The following POLQ variants were observed in gnomAD, a reference collection of about 807,000 sequenced individuals.
POLQ encodes epididymis secretory sperm binding protein.
Under a neutral mutation model 259.2 loss-of-function variants are expected in POLQ, and 233 were observed. That is an observed-to-expected ratio of 0.90 (90% CI 0.81 to 1.00). POLQ has a LOEUF of 1.00. Ranked by LOEUF, POLQ falls within the 50% of genes least tolerant of loss-of-function variation. POLQ has a pLI of 0.00. For missense variants in POLQ, 2,871 were observed against 3,051.6 expected, an observed-to-expected ratio of 0.94 and a Z score of 1.39; for synonymous variants, 1,025 against 1,048.8, an observed-to-expected ratio of 0.98 and a Z score of 0.44.
intron 29 of POLQ, 107 bp downstream of exon 29, chr3:121,432,811 G>A: frequency 1.4e-6 from 1 of 713,616 alleles, no homozygotes. Context: ...GCCATCCCAG[G>A]GCTAGGGTAG....
intron 26 of POLQ, among the ~76,000 whole-genome samples, chr3:121,447,319 T>G (rs894021599): frequency 6.6e-6 from 1 of 151,954 alleles, no homozygotes; most frequent in African/African-American, 2.4e-5. Context: ...TACAGTCACC[T>G]ATCATCATGC....
Position 121,490,569 on chromosome 3 carries a change from C to A in POLQ, c.2523-161G>T, listed in dbSNP as rs2048060119. ...CATGGCACATTCTAGCTGGGGAATT[C>A]AGAAAATAAACAAAAAGTTTAAAAT... On this transcript the variant is annotated intron_variant, in intron 15 of 29. Coordinates refer to ENST00000264233, the MANE Select transcript of POLQ (RefSeq NM_199420.4). 1 of 637,832 alleles carries A rather than the reference C, an allele frequency of 1.6e-6. No homozygotes were observed. Among genetic ancestry groups the A allele is most frequent in the Admixed American group, 3.0e-5 (1 of 32,976 alleles). 39.5% of individuals were successfully genotyped at this position (637,832 alleles called of 1,614,324 possible). A position where few individuals can be genotyped will look rare whatever the true frequency, so the allele number is the denominator to read the frequency against.
At position 121,481,597 on chromosome 3, in the gene POLQ, A is replaced by G. The variant is rs1444282733; in HGVS notation, c.6186T>C (p.Ser2062=). 2 of 1,600,242 alleles carry G rather than the reference A, an allele frequency of 1.2e-6. No homozygotes were observed. Among genetic ancestry groups the G allele is most frequent in the Non-Finnish European group, 1.7e-6 (2 of 1,172,642 alleles). ...CTTGAAGGTTTTCCTTCTGCAACAAAGAGTTGAGCTGATTCATAGAGTTGA... is the reference window on the plus strand; with the variant it reads ...CTTGAAGGTTTTCCTTCTGCAACAAGGAGTTGAGCTGATTCATAGAGTTGA... ...LIFNSMNQLN[S]LLQKENLQDV... Residue 2062 remains serine, a synonymous_variant, in exon 19 of 30, where the codon TCT becomes TCC. Transcript: ENST00000264233.
At chr3:121,448,978 G>C (rs1231751093) in intron 26 of POLQ, among the ~76,000 whole-genome samples, 1 of 152,108 alleles carries the variant, frequency 6.6e-6, no homozygotes. Context: ...GCAATTATCA[G>C]AGTTCCTAGT....
chr3:121,485,309 A>G, intron 16 of POLQ, 125 bp from the exon 17 acceptor site: 2 of 570,070 alleles, frequency 3.5e-6, no homozygotes, highest in Non-Finnish European at 6.0e-6. Context: ...TAAAATATGC[A>G]TTTGGACAGT....
intron 29 of POLQ, among the ~76,000 whole-genome samples, chr3:121,432,623 G>A (rs2047504135): frequency 1.3e-5 from 2 of 152,180 alleles, no homozygotes; most frequent in African/African-American, 4.8e-5. Context: ...AGGAATTTCT[G>A]AAAGTTTTTG....
intron 7 of POLQ, among the ~76,000 whole-genome samples, chr3:121,522,664 T>C (rs1389864464): frequency 6.6e-6 from 1 of 152,178 alleles, no homozygotes; most frequent in Non-Finnish European, 1.5e-5. Flanking sequence ...CATTGTTATA[T>C]AATTGGTGTG....
chr3:121,525,875 G>A (rs2108815035), intron 7 of POLQ, among the ~76,000 whole-genome samples: 1 of 152,154 alleles, frequency 6.6e-6, no homozygotes, highest in African/African-American at 2.4e-5. Flanking sequence ...TTCATATCTT[G>A]AAACCCTTTA....
chr3:121,522,066 G>T lies in POLQ; in HGVS notation c.1192C>A (p.Pro398Thr). The stretch of plus-strand genomic sequence containing the variant: ...TGTAATACAGAGTCCAGTCCTGAAG[G>T]CAAACGTCTTAACTGATCCATCACT... ...LEVMDQLRRL[P>T]SGLDSVLQKT... Residue 398 changes from proline (P) to threonine (T), a missense_variant, in exon 8 of 30, where the codon CCT becomes ACT. By Grantham distance (38) the Pro-to-Thr change is conservative (BLOSUM62 -1). Around this residue, in one of 3 missense-constraint regions of POLQ, gnomAD observed 783 missense variants for 906.2 expected, o/e 0.86. Transcript: ENST00000264233. 1 of 1,608,352 alleles carries T rather than the reference G, an allele frequency of 6.2e-7. No homozygotes were observed.
intron 6 of POLQ, 24 bp from the exon 7 acceptor site, chr3:121,529,816 A>G (rs1405993937): frequency 3.8e-6 from 6 of 1,567,078 alleles, no homozygotes; most frequent in Non-Finnish European, 5.2e-6. Context: ...ATAAATAACC[A>G]CTTTAGTGGT....
chr3:121,536,547 T>C (rs915626450), intron 5 of POLQ, among the ~76,000 whole-genome samples: 2 of 152,172 alleles, frequency 1.3e-5, no homozygotes, highest in East Asian at 1.9e-4. Context: ...AACTAGATTT[T>C]TAAAAATCTA....
At chr3:121,448,976 C>G (rs1339483110) in intron 26 of POLQ, among the ~76,000 whole-genome samples, 3 of 152,280 alleles carry the variant, frequency 2.0e-5, no homozygotes. Context: ...TAGCAATTAT[C>G]AGAGTTCCTA....
At chr3:121,494,486 G>T in intron 14 of POLQ, 1 of 1,482,552 alleles carries the variant, frequency 6.7e-7, no homozygotes, top group Non-Finnish European at 9.3e-7. Flanking sequence ...TGGCAGAGGG[G>T]ACGTCCCCAC....
chr3:121,437,941 T>C (rs918941998), intron 27 of POLQ, among the ~76,000 whole-genome samples: 1 of 152,008 alleles, frequency 6.6e-6, no homozygotes, highest in Non-Finnish European at 1.5e-5. Flanking sequence ...AAAACAAAAC[T>C]ATAGTGTTAG....
intron 14 of POLQ, among the ~76,000 whole-genome samples, chr3:121,495,148 G>A (rs189815507): frequency 1.3e-5 from 2 of 152,174 alleles, no homozygotes; most frequent in Non-Finnish European, 2.9e-5. Context: ...GTGCATGCCT[G>A]TAATCCCAGT....
chr3:121,487,488 A>C lies in POLQ; in HGVS notation c.5443T>G (p.Leu1815Val). 1 of 1,614,114 alleles carries C rather than the reference A, an allele frequency of 6.2e-7. No homozygotes were observed. Among genetic ancestry groups the C allele is most frequent in the East Asian group, 2.2e-5 (1 of 44,868 alleles). Residue 1815 changes from leucine to valine, a missense_variant, in exon 16 of 30, where the codon TTA becomes GTA. Physicochemically the swap from Leu to Val is conservative, Grantham distance 32 (BLOSUM62 1). Transcript: ENST00000264233. ...TCTGAACTGCTTGAGGCTGGAGTTAACTGTAATCCATCCTGTGATAACTGA... is the reference window on the plus strand; with the variant it reads ...TCTGAACTGCTTGAGGCTGGAGTTACCTGTAATCCATCCTGTGATAACTGA... ...SLQLSQDGLQ[L>V]TPASSSSESL...
rs372762164 is a variant in POLQ at position 121,481,774 on chromosome 3, C to A, written c.6009G>T (p.Pro2003=). Reference sequence around the variant, plus strand: ...AACTGGTAACTATGCTATGAAGAGTCGGCTCCTGAGAATCTGGATCTAGTA... The same window carrying A: ...AACTGGTAACTATGCTATGAAGAGTAGGCTCCTGAGAATCTGGATCTAGTA... The part of the protein sequence containing the change: ...CWLLDPDSQE[P]TLHSIVTSFL... The change falls in exon 19 of 30, where the codon CCG becomes CCT. Residue 2003 remains proline, a synonymous_variant. Transcript: ENST00000264233. 2.5e-6 allele frequency: 4 copies of A among 1,612,938 alleles called. No individual in the cohort carries two copies. The South Asian group carries it at 3.3e-5, about 13-fold the overall frequency.
intron 21 of POLQ, among the ~76,000 whole-genome samples, chr3:121,472,849 C>T (rs150699883): frequency 1.1e-3 from 171 of 152,230 alleles, no homozygotes; most frequent in Non-Finnish European, 2.1e-3. Context: ...AAATTAAGCC[C>T]CTTCTCTCTT....
intron 12 of POLQ, among the ~76,000 whole-genome samples, chr3:121,501,944 T>C (rs1237420932): frequency 7.1e-6 from 1 of 140,770 alleles, no homozygotes; most frequent in East Asian, 2.2e-4. Context: ...GAGCAGAGAC[T>C]GCACCACCGC....
Sources: allele counts gnomAD v4.1 joint callset (sites outside exome capture counted in the v4.1 genomes callset), GRCh38; gene constraint gnomAD v4.1.1; regional missense constraint gnomAD v4.1.1; transcripts MANE v1.5; gene names NCBI Gene and HGNC (gene_info 2026-07-23, HGNC 2026-07-21).